The following ZCCHC7 variants were observed in gnomAD, a reference collection of about 807,000 sequenced individuals.
The protein encoded by ZCCHC7 is zinc finger CCHC domain-containing protein 7.
In ZCCHC7, 35 loss-of-function variants were observed where a neutral mutation model predicts 52.0. The observed-to-expected ratio is 0.67, with a 90% CI of 0.51 to 0.89. ZCCHC7 has a LOEUF of 0.89. ZCCHC7 is among the 40% of genes least tolerant of loss of function. The pLI is 0.00. For missense variants in ZCCHC7, 574 were observed against 649.1 expected, an observed-to-expected ratio of 0.88 and a Z score of 1.26; for synonymous variants, 217 against 221.5, an observed-to-expected ratio of 0.98 and a Z score of 0.18.
chr9:37,330,613 C>T (rs1830415894), intron 6 of ZCCHC7, among the ~76,000 whole-genome samples: 1 of 151,542 alleles, frequency 6.6e-6, no homozygotes. Context: ...ATTTTTACCT[C>T]CTTCAAAAAT....
intron 2 of ZCCHC7, among the ~76,000 whole-genome samples, chr9:37,194,626 T>C (rs1295333295): frequency 1.3e-5 from 2 of 152,182 alleles, no homozygotes; most frequent in Admixed American, 6.5e-5. Context: ...GAGCATTTAT[T>C]CTTTTTAAAG....
In ZCCHC7 at chr9:37,153,648, A is replaced by T. The variant is rs80100316; in HGVS notation, c.610+26706A>T. Among the ~76,000 whole-genome samples the T allele has an allele frequency of 6.2e-3, 935 of 150,406 alleles. 4 individuals carry two copies. Among genetic ancestry groups the T allele is most frequent in the African/African-American group, 0.021 (876 of 40,844 alleles). On this transcript the variant is annotated intron_variant, in intron 2 of 8. Coordinates refer to ENST00000336755, the MANE Select transcript of ZCCHC7 (RefSeq NM_032226.3). Reference sequence around the variant, plus strand: ...TCTTTCTTTTTTTTTTAAACATCAGATAGTGGAGCAATAATATTGGTCATC... The same window carrying T: ...TCTTTCTTTTTTTTTTAAACATCAGTTAGTGGAGCAATAATATTGGTCATC...
At chr9:37,299,183 T>A (rs1368865163) in intron 2 of ZCCHC7, among the ~76,000 whole-genome samples, 3 of 152,186 alleles carry the variant, frequency 2.0e-5, no homozygotes, top group African/African-American at 7.2e-5. Context: ...GGCAGTCCCA[T>A]TTAACATTCT....
intron 5 of ZCCHC7, among the ~76,000 whole-genome samples, chr9:37,325,333 T>C (rs1225035008): frequency 6.6e-6 from 1 of 152,194 alleles, no homozygotes; most frequent in Non-Finnish European, 1.5e-5. Context: ...ATAAATGCAA[T>C]TGTATTTTCA....
intron 2 of ZCCHC7, among the ~76,000 whole-genome samples, chr9:37,149,983 T>A (rs79679901): frequency 0.015 from 2,361 of 152,332 alleles, 32 homozygotes; most frequent in Non-Finnish European, 0.022. Context: ...AGTCACTGAT[T>A]ATAATGAACA....
At chr9:37,327,769 T>C (rs1339367236) in intron 5 of ZCCHC7, 30 bp from the exon 6 acceptor site, 9 of 1,612,524 alleles carry the variant, frequency 5.6e-6, no homozygotes, top group Non-Finnish European at 7.6e-6. Flanking sequence ...TGTTTCATGC[T>C]CCCAGCTGAT....
intron 2 of ZCCHC7, among the ~76,000 whole-genome samples, chr9:37,132,521 T>C (rs772623187): frequency 6.6e-6 from 1 of 152,306 alleles, no homozygotes; most frequent in Non-Finnish European, 1.5e-5. Context: ...TTCATATATG[T>C]ATGTATGTGT....
intron 2 of ZCCHC7, among the ~76,000 whole-genome samples, chr9:37,171,190 C>A (rs1821707800): frequency 6.6e-6 from 1 of 152,156 alleles, no homozygotes; most frequent in Non-Finnish European, 1.5e-5. Context: ...AATTGAGTTT[C>A]CCTGTTAAGT....
At position 37,185,452 on chromosome 9, in the gene ZCCHC7, T is replaced by C. The variant is rs1588445424; in HGVS notation, c.610+58510T>C. ...TGTTCTTGTTTGCTACTTAAAGGAA[T>C]GTATTAGTTTCTGAGGGCTGCTGTA... On this transcript the variant is annotated intron_variant, in intron 2 of 8. Coordinates refer to ENST00000336755, the MANE Select transcript of ZCCHC7 (RefSeq NM_032226.3). Among the ~76,000 whole-genome samples the C allele has an allele frequency of 2.0e-5, 3 of 152,358 alleles. No individual in the cohort carries two copies. In the East Asian group the frequency reaches 5.8e-4, roughly 29 times the overall value.
At chr9:37,243,856 A>C (rs1369060526) in intron 2 of ZCCHC7, among the ~76,000 whole-genome samples, 1 of 151,896 alleles carries the variant, frequency 6.6e-6, no homozygotes, top group Non-Finnish European at 1.5e-5. Flanking sequence ...TGGTGTTTTC[A>C]TTGGTTAATT....
chr9:37,230,153 T>A (rs977686926), intron 2 of ZCCHC7, among the ~76,000 whole-genome samples: 28 of 152,304 alleles, frequency 1.8e-4, no homozygotes, highest in East Asian at 5.8e-4. Flanking sequence ...TTAACTTTTT[T>A]AAAAAGTAAG....
At position 37,203,822 on chromosome 9, in the gene ZCCHC7, G is replaced by A. The variant is rs149903582; in HGVS notation, c.610+76880G>A. Among the ~76,000 whole-genome samples, 666 of 152,208 alleles carry A rather than the reference G, an allele frequency of 4.4e-3. 4 individuals are homozygous for A. Among genetic ancestry groups the A allele is most frequent in the Non-Finnish European group, 7.8e-3 (532 of 68,004 alleles). On this transcript the variant is annotated intron_variant, in intron 2 of 8. Transcript: ENST00000336755. ...ATTTATATTCCGTTGGGTATATACC[G>A]AGTAATGGAATTGCTGGGTCAAATG...
chr9:37,148,976 A>C (rs1843565013), intron 2 of ZCCHC7, among the ~76,000 whole-genome samples: 1 of 152,116 alleles, frequency 6.6e-6, no homozygotes, highest in Non-Finnish European at 1.5e-5. Context: ...TTAAATGGTA[A>C]TGAACTGTGA....
At chr9:37,245,367 G>A (rs1247365140) in intron 2 of ZCCHC7, among the ~76,000 whole-genome samples, 6 of 151,774 alleles carry the variant, frequency 4.0e-5, no homozygotes, top group Non-Finnish European at 7.4e-5. Context: ...TAAAAGAAAG[G>A]AATTTCCATT....
chr9:37,314,748 T>TA (rs1564248397), intron 5 of ZCCHC7, among the ~76,000 whole-genome samples: 117 of 130,178 alleles, frequency 9.0e-4, no homozygotes, highest in African/African-American at 2.8e-3. Context: ...CCGATCTCTT[T>TA]TAAAAAAAAA....
At chr9:37,350,169 C>A (rs892169320) in intron 7 of ZCCHC7, among the ~76,000 whole-genome samples, 17 of 145,510 alleles carry the variant, frequency 1.2e-4, no homozygotes, top group Admixed American at 5.6e-4. Context: ...ACTCTTGTTG[C>A]CCAAGCTGGA....
At chr9:37,280,811 C>T (rs1179758375) in intron 2 of ZCCHC7, among the ~76,000 whole-genome samples, 1 of 151,884 alleles carries the variant, frequency 6.6e-6, no homozygotes, top group Non-Finnish European at 1.5e-5. Context: ...CTTTGTCACC[C>T]AGGTTGGAAT....
chr9:37,336,088 A>G (rs902004362), intron 6 of ZCCHC7, among the ~76,000 whole-genome samples: 1 of 152,152 alleles, frequency 6.6e-6, no homozygotes, highest in Non-Finnish European at 1.5e-5. Flanking sequence ...TTAATCAGAT[A>G]AGAAATGAAA....
chr9:37,212,579 C>G (rs1824300283), intron 2 of ZCCHC7, among the ~76,000 whole-genome samples: 1 of 152,080 alleles, frequency 6.6e-6, no homozygotes, highest in African/African-American at 2.4e-5. Context: ...TAGATCTTAG[C>G]AAATAATTCT....
Sources: gnomAD v4.1 joint callset for allele counts (sites outside exome capture counted in the v4.1 genomes callset) on GRCh38, gnomAD v4.1.1 for gene constraint, MANE v1.5 for transcripts, NCBI Gene and HGNC (gene_info 2026-07-23, HGNC 2026-07-21) for gene names.